The following PDZRN3 variants were observed in gnomAD, a reference collection of about 807,000 sequenced individuals.
PDZRN3 encodes the protein E3 ubiquitin-protein ligase PDZRN3.
Under a neutral mutation model 85.7 loss-of-function variants are expected in PDZRN3, and 38 were observed. The ratio of observed to expected loss-of-function variants is 0.44; its 90% CI spans 0.34 to 0.58. PDZRN3 has a LOEUF of 0.58. Ranked by LOEUF, PDZRN3 falls within the 20% of genes least tolerant of loss-of-function variation. The pLI is 0.01. For missense variants in PDZRN3, 1,629 were observed against 1,506.4 expected (o/e 1.08, Z -1.35); for synonymous variants, 759 against 638.0 (o/e 1.19, Z -2.86).
chr3:73,405,956 G>A (rs1310448071), intron 3 of PDZRN3, among the ~76,000 whole-genome samples: 1 of 152,178 alleles, frequency 6.6e-6, no homozygotes. Context: ...GAAGTGCGTT[G>A]TAAACAACTG....
rs757871353 is a variant in PDZRN3, at chr3:73,624,089, C to A, written c.723+14G>T. Reference sequence around the variant, plus strand: ...GATCCTGGCTGGAGGTCGGGGCGGGCAGCAGGCGCCTACCTTGCCGCCGGG... The same window carrying A: ...GATCCTGGCTGGAGGTCGGGGCGGGAAGCAGGCGCCTACCTTGCCGCCGGG... On this transcript the variant is annotated intron_variant, in intron 1 of 9. Transcript: ENST00000263666. 6.3e-6 allele frequency: 9 copies of A among 1,432,092 alleles called. No individual in the cohort carries two copies. Among genetic ancestry groups the A allele is most frequent in the South Asian group, 1.4e-5 (1 of 69,484 alleles). 88.7% of individuals were successfully genotyped at this position (1,432,092 alleles called of 1,614,324 possible). A position where few individuals can be genotyped will look rare whatever the true frequency, so the allele number is the denominator to read the frequency against.
intron 3 of PDZRN3, among the ~76,000 whole-genome samples, chr3:73,555,188 T>C (rs1701665739): frequency 6.6e-6 from 1 of 152,314 alleles, no homozygotes; most frequent in East Asian, 1.9e-4. Flanking sequence ...CCATAATCAC[T>C]GACATTTTTA....
chr3:73,467,231 T>C (rs1240840139), intron 3 of PDZRN3, among the ~76,000 whole-genome samples: 2 of 152,148 alleles, frequency 1.3e-5, no homozygotes, highest in Non-Finnish European at 2.9e-5. Context: ...TAAGTCCTAA[T>C]TTTCATGGGG....
chr3:73,430,025 T>G (rs569507299), intron 3 of PDZRN3, among the ~76,000 whole-genome samples: 19 of 152,338 alleles, frequency 1.2e-4, no homozygotes, highest in Admixed American at 9.2e-4. Context: ...CCCTATAAAG[T>G]TGATCATCAT....
intron 3 of PDZRN3, among the ~76,000 whole-genome samples, chr3:73,421,196 G>A (rs1238913277): frequency 1.3e-5 from 2 of 152,130 alleles, no homozygotes; most frequent in Non-Finnish European, 2.9e-5. Context: ...GTGCCATACG[G>A]GTTCCAGATA....
At chr3:73,510,384 C>T (rs983992439) in intron 3 of PDZRN3, among the ~76,000 whole-genome samples, 17 of 152,148 alleles carry the variant, frequency 1.1e-4, no homozygotes, top group African/African-American at 3.1e-4. Context: ...CACATATACA[C>T]GCACAAGGAA....
At chr3:73,441,411 CAAA>C (rs10656791) in intron 3 of PDZRN3, among the ~76,000 whole-genome samples, 1 of 68,192 alleles carries the variant, frequency 1.5e-5, no homozygotes, top group African/African-American at 6.5e-5. Flanking sequence ...GACTCTGTCC[CAAA>C]AAAAAAAAAA....
chr3:73,454,407 C>A (rs1331466614), intron 3 of PDZRN3, among the ~76,000 whole-genome samples: 2 of 152,128 alleles, frequency 1.3e-5, no homozygotes, highest in African/African-American at 4.8e-5. Context: ...CAGGGTGAGG[C>A]CCTGCAACAT....
At chr3:73,388,243 C>T in intron 7 of PDZRN3, 174 bp from the exon 8 acceptor site, 1 of 506,264 alleles carries the variant, frequency 2.0e-6, no homozygotes, top group East Asian at 3.1e-5. Context: ...AGGTCTTGCT[C>T]AGACCAATGC....
At chr3:73,572,165 A>G (rs2106852836) in intron 3 of PDZRN3, among the ~76,000 whole-genome samples, 1 of 152,326 alleles carries the variant, frequency 6.6e-6, no homozygotes, top group East Asian at 1.9e-4. Flanking sequence ...ATTGTAAAAT[A>G]TTGATAAAAA....
At chr3:73,542,635 G>C (rs867967767) in intron 3 of PDZRN3, among the ~76,000 whole-genome samples, 2 of 152,010 alleles carry the variant, frequency 1.3e-5, no homozygotes, top group Admixed American at 1.3e-4. Context: ...TTAGCTGGGC[G>C]TGGTGGCAGG....
chr3:73,596,547 C>T (rs1220872152), intron 3 of PDZRN3, among the ~76,000 whole-genome samples: 1 of 152,208 alleles, frequency 6.6e-6, no homozygotes. Flanking sequence ...GACAACTTCA[C>T]CTCATGTGAG....
At chr3:73,569,289 G>C (rs1345899530) in intron 3 of PDZRN3, 1 of 1,249,640 alleles carries the variant, frequency 8.0e-7, no homozygotes. Context: ...TGAAGACTGA[G>C]ATACTGAGAT....
intron 3 of PDZRN3, among the ~76,000 whole-genome samples, chr3:73,540,088 A>G (rs1295664418): frequency 1.1e-4 from 2 of 17,412 alleles, no homozygotes; most frequent in African/African-American, 4.9e-4. Context: ...CTGTTGGATG[A>G]AAAAAAAAAA....
intron 3 of PDZRN3, among the ~76,000 whole-genome samples, chr3:73,531,722 T>C (rs959215490): frequency 1.3e-5 from 2 of 152,214 alleles, no homozygotes; most frequent in Non-Finnish European, 2.9e-5. Flanking sequence ...TTCCCAATGC[T>C]ACACACAGAA....
intron 3 of PDZRN3, among the ~76,000 whole-genome samples, chr3:73,508,931 A>G (rs1306541126): frequency 6.6e-6 from 1 of 152,214 alleles, no homozygotes; most frequent in African/African-American, 2.4e-5. Context: ...CTATTTATAT[A>G]TTATGCCTAT....
At chr3:73,425,291 TACAGG>T (rs1702289741) in intron 3 of PDZRN3, among the ~76,000 whole-genome samples, 1 of 152,158 alleles carries the variant, frequency 6.6e-6, no homozygotes, top group South Asian at 2.1e-4. Context: ...GTGCTGGGAT[TACAGG>T]CGTGAGCCAC....
intron 3 of PDZRN3, among the ~76,000 whole-genome samples, chr3:73,462,423 T>G (rs539760753): frequency 1.3e-5 from 2 of 151,416 alleles, no homozygotes; most frequent in African/African-American, 4.9e-5. Context: ...TGGGCCCCTG[T>G]AGTCCCAGCT....
At chr3:73,584,909 C>T (rs1044884454) in intron 3 of PDZRN3, among the ~76,000 whole-genome samples, 1 of 152,190 alleles carries the variant, frequency 6.6e-6, no homozygotes. Flanking sequence ...CTTCTGCCAT[C>T]TAACACTCCA....
Sources: gnomAD v4.1 joint callset for allele counts (sites outside exome capture counted in the v4.1 genomes callset) on GRCh38, gnomAD v4.1.1 for gene constraint, MANE v1.5 for transcripts, NCBI Gene and HGNC (gene_info 2026-07-23, HGNC 2026-07-21) for gene names.